CCDC15: variants seen among roughly 807,000 people sequenced by gnomAD.
CCDC15 encodes coiled-coil domain-containing protein 15.
In CCDC15, 105 loss-of-function variants were observed where a neutral mutation model predicts 114.5. The ratio of observed to expected loss-of-function variants is 0.92; its 90% CI spans 0.78 to 1.08. The LOEUF is 1.08. CCDC15 is among the 50% of genes least tolerant of loss of function. The probability of loss-of-function intolerance (pLI) is 0.00; values close to 1 mark genes in which losing one functional copy is unlikely to be tolerated. For synonymous variants in CCDC15, 334 were observed against 377.8 expected (o/e 0.88, Z 1.34); for missense variants, 1,105 against 1,093.6 (o/e 1.01, Z -0.15).
At chr11:124,959,777 G>C in intron 3 of CCDC15, 38 bp from the exon 4 acceptor site, 1 of 1,510,934 alleles carries the variant, frequency 6.6e-7, no homozygotes, top group Non-Finnish European at 8.9e-7. Context: ...TCTGGATTGG[G>C]GTAGAATGTT....
chr11:124,991,312 CAAA>C (rs930320519), intron 8 of CCDC15, 146 bp from the exon 9 acceptor site: 25 of 445,132 alleles, frequency 5.6e-5, no homozygotes, highest in Non-Finnish European at 9.3e-5. Flanking sequence ...TCAGAACTGA[CAAA>C]AAGTATGAGT....
intron 13 of CCDC15, among the ~76,000 whole-genome samples, chr11:125,035,441 C>T (rs1209008882): frequency 6.6e-6 from 1 of 151,648 alleles, no homozygotes; most frequent in Non-Finnish European, 1.5e-5. Flanking sequence ...TTTTTTCCAT[C>T]TCTTTATTTT....
At chr11:125,003,047 AT>A (rs1476765515) in intron 11 of CCDC15, among the ~76,000 whole-genome samples, 1 of 152,006 alleles carries the variant, frequency 6.6e-6, no homozygotes. Context: ...TTTCCATTAT[AT>A]ATATCATCTT....
chr11:124,964,004 T>A (rs1947721129), intron 4 of CCDC15, among the ~76,000 whole-genome samples: 1 of 152,220 alleles, frequency 6.6e-6, no homozygotes, highest in Non-Finnish European at 1.5e-5. Context: ...TGTCTATATA[T>A]CTGTTTTGGT....
intron 5 of CCDC15, among the ~76,000 whole-genome samples, chr11:124,976,539 G>A (rs1429305787): frequency 6.6e-6 from 1 of 151,774 alleles, no homozygotes; most frequent in Admixed American, 6.6e-5. Flanking sequence ...CATACCTATC[G>A]TGGTTTGGTA....
intron 13 of CCDC15, among the ~76,000 whole-genome samples, chr11:125,027,035 A>C (rs1948708157): frequency 6.6e-6 from 1 of 151,752 alleles, no homozygotes; most frequent in African/African-American, 2.4e-5. Context: ...ATAGCCTCCA[A>C]CTCCATCCAA....
chr11:124,997,316 A>G (rs1268388291), intron 11 of CCDC15, among the ~76,000 whole-genome samples: 5 of 152,180 alleles, frequency 3.3e-5, no homozygotes, highest in African/African-American at 1.2e-4. Context: ...TTTGAAACAG[A>G]CTGTCACTCA....
intron 13 of CCDC15, among the ~76,000 whole-genome samples, chr11:125,018,535 A>C (rs1948642582): frequency 6.6e-6 from 1 of 152,072 alleles, no homozygotes; most frequent in Non-Finnish European, 1.5e-5. Flanking sequence ...GTGGTTAAGA[A>C]CATGGGGAGA....
chr11:125,005,657 A>G (rs757633256), intron 13 of CCDC15, among the ~76,000 whole-genome samples: 1 of 152,120 alleles, frequency 6.6e-6, no homozygotes, highest in African/African-American at 2.4e-5. Context: ...GTCTACCATT[A>G]TGGTATTATA....
chr11:124,956,964 G>T (rs1485087733), intron 2 of CCDC15, among the ~76,000 whole-genome samples: 3 of 152,112 alleles, frequency 2.0e-5, no homozygotes, highest in Non-Finnish European at 1.5e-5. Flanking sequence ...TCCTAAAAAT[G>T]TCATAGCTTT....
In CCDC15 at chr11:125,037,128, G is replaced by T. The variant is rs533275842; in HGVS notation, c.2412-1303G>T. ...CGTTATGAGTTTTACCATGTTAGTT[G>T]CTGGATGTCTTTACATTATTGAACC... is the stretch of plus-strand genomic sequence containing the variant. On this transcript the variant is annotated intron_variant, in intron 13 of 15. Coordinates refer to ENST00000344762, the MANE Select transcript of CCDC15 (RefSeq NM_025004.3). Among the ~76,000 whole-genome samples the T allele has an allele frequency of 2.1e-4, 32 of 152,178 alleles. No individual in the cohort carries two copies. The South Asian group carries it at 6.4e-3, about 31-fold the overall frequency.
intron 13 of CCDC15, among the ~76,000 whole-genome samples, chr11:125,008,110 T>G (rs986358719): frequency 6.6e-6 from 1 of 152,236 alleles, no homozygotes; most frequent in Non-Finnish European, 1.5e-5. Flanking sequence ...ATATATCAAG[T>G]TGGGGAGAAC....
chr11:124,972,710 G>T (rs1947906349), intron 4 of CCDC15, among the ~76,000 whole-genome samples: 2 of 152,120 alleles, frequency 1.3e-5, no homozygotes. Flanking sequence ...TCCATCCTCA[G>T]GTTCTAGGGG....
Position 124,955,203 on chromosome 11 carries a change from G to T in CCDC15, c.177+294G>T, listed in dbSNP as rs191590717. Among the ~76,000 whole-genome samples, 6 of 152,272 alleles carry T rather than the reference G, an allele frequency of 3.9e-5. No homozygotes were observed. In the East Asian group the frequency reaches 1.2e-3, roughly 29 times the overall value. On this transcript the variant is annotated intron_variant, in intron 2 of 15. Transcript: ENST00000344762. ...GTATATCAGTTTACTTCAGACTCTT[G>T]ATTGCTTGTTATGCCCAAGACATAA...
chr11:125,040,552 T>A, intron 15 of CCDC15, 38 bp from the exon 16 acceptor site: 1 of 1,566,518 alleles, frequency 6.4e-7, no homozygotes, highest in Non-Finnish European at 8.7e-7. Flanking sequence ...TGTTTAGAAT[T>A]TGACTTTATT....
Position 125,039,028 on chromosome 11 carries a change from A to G in CCDC15, c.2693A>G (p.Asp898Gly), listed in dbSNP as rs757928338. The G allele has an allele frequency of 2.5e-6, 4 of 1,608,996 alleles. No homozygotes were observed. The highest frequency in any genetic ancestry group is 3.4e-6 in the Non-Finnish European group (4 of 1,176,266). Residue 898 changes from aspartate to glycine, a missense_variant, in exon 15 of 16, where the codon GAT becomes GGT. Physicochemically the swap from Asp to Gly is moderately conservative, Grantham distance 94. Coordinates refer to ENST00000344762, the MANE Select transcript of CCDC15 (RefSeq NM_025004.3). ...CCTGATTTTTGGGATGCTCATCCTG[A>G]TACCTGTGCCAACAACTGTATTTTC... ...CGPDFWDAHPDTCANNCIFYK... is the reference protein window; with the variant it reads ...CGPDFWDAHPGTCANNCIFYK...
chr11:125,031,695 G>C (rs891959711), intron 13 of CCDC15, among the ~76,000 whole-genome samples: 1 of 152,140 alleles, frequency 6.6e-6, no homozygotes, highest in Non-Finnish European at 1.5e-5. Context: ...CCTGCCAAAG[G>C]CTCCAAACAG....
chr11:125,017,733 G>A (rs536583633), intron 13 of CCDC15, among the ~76,000 whole-genome samples: 5 of 152,044 alleles, frequency 3.3e-5, no homozygotes, highest in Non-Finnish European at 7.4e-5. Flanking sequence ...TCTGAAAACT[G>A]TCCAGTGGGA....
intron 13 of CCDC15, among the ~76,000 whole-genome samples, chr11:125,019,177 T>G (rs1306134255): frequency 6.6e-5 from 10 of 151,844 alleles, no homozygotes; most frequent in Non-Finnish European, 1.3e-4. Context: ...AAATAATATA[T>G]AGAGAGAAGA....
Sources: gnomAD v4.1 joint callset for allele counts (sites outside exome capture counted in the v4.1 genomes callset) on GRCh38, gnomAD v4.1.1 for gene constraint, MANE v1.5 for transcripts, NCBI Gene and HGNC (gene_info 2026-07-23, HGNC 2026-07-21) for gene names.